The following DLEC1 variants were observed in gnomAD, a reference collection of about 807,000 sequenced individuals.
DLEC1 encodes DLEC1 cilia and flagella associated protein.
Under a neutral mutation model 198.1 loss-of-function variants are expected in DLEC1, and 146 were observed. The ratio of observed to expected loss-of-function variants is 0.74; its 90% CI spans 0.64 to 0.85. The LOEUF (loss-of-function observed/expected upper bound fraction) is 0.85, where lower values mean the gene tolerates loss of function less well. Ranked by LOEUF, DLEC1 falls within the 40% of genes least tolerant of loss-of-function variation. The pLI, the probability that DLEC1 is intolerant of heterozygous loss-of-function variation, is 0.00. For synonymous variants in DLEC1, 897 were observed against 866.8 expected (o/e 1.03, Z -0.61); for missense variants, 2,233 against 2,220.0 (o/e 1.01, Z -0.12).
rs909911353 is a variant in DLEC1 at position 38,062,770 on chromosome 3, G to A, written c.1063G>A (p.Gly355Arg). 6.2e-7 allele frequency: 1 copy of A among 1,613,992 alleles called. No individual in the cohort carries two copies. The highest frequency in any genetic ancestry group is 8.5e-7 in the Non-Finnish European group (1 of 1,179,952). Residue 355 changes from glycine to arginine, a missense_variant, in exon 5 of 37, where the codon GGA (glycine) becomes AGA (arginine). Coordinates refer to ENST00000308059, the MANE Select transcript of DLEC1 (RefSeq NM_007335.4). ...TCCTCCAAAGAAGCCAGCACCGATA[G>A]GAGAATTCCAGAGTACAGAGCCAGA... ...VFPPKKPAPI[G>R]EFQSTEPEQS...
intron 19 of DLEC1, among the ~76,000 whole-genome samples, chr3:38,101,730 A>T (rs769449955): frequency 6.6e-6 from 1 of 152,184 alleles, no homozygotes; most frequent in African/African-American, 2.4e-5. Context: ...ATACTTGACC[A>T]TCTGACAGTT....
chr3:38,108,256 A>G (rs1699672204), intron 20 of DLEC1, 149 bp from the exon 21 acceptor site: 3 of 649,716 alleles, frequency 4.6e-6, no homozygotes, highest in East Asian at 5.5e-5. Flanking sequence ...GTTTATCCCC[A>G]GAAGTGAGCA....
At chr3:38,067,235 T>C (rs1697074238) in intron 6 of DLEC1, among the ~76,000 whole-genome samples, 1 of 152,224 alleles carries the variant, frequency 6.6e-6, no homozygotes, top group Non-Finnish European at 1.5e-5. Context: ...ACAGTTCAAA[T>C]TTTCAGTCTT....
At chr3:38,096,080 T>G (rs568841208) in intron 14 of DLEC1, 134 bp downstream of exon 14, 1 of 1,051,814 alleles carries the variant, frequency 9.5e-7, no homozygotes, top group African/African-American at 1.6e-5. Context: ...GTGAGAGCAT[T>G]TTTTTTGCCT....
intron 2 of DLEC1, among the ~76,000 whole-genome samples, chr3:38,054,917 T>C (rs1436572792): frequency 6.6e-6 from 1 of 152,052 alleles, no homozygotes; most frequent in African/African-American, 2.4e-5. Context: ...TAAATTAAAC[T>C]AAGAATGCTT....
chr3:38,052,354 G>T lies in DLEC1; in HGVS notation c.562+6661G>T, dbSNP rs78364489. 1,086 of 333,242 alleles carry T rather than the reference G, an allele frequency of 3.3e-3. 20 individuals are homozygous for T. Among genetic ancestry groups the T allele is most frequent in the Non-Finnish European group, 5.6e-3 (909 of 163,320 alleles). 20.6% of individuals were successfully genotyped at this position (333,242 alleles called of 1,614,324 possible). A position where few individuals can be genotyped will look rare whatever the true frequency, so the allele number is the denominator to read the frequency against. On this transcript the variant is annotated intron_variant, in intron 2 of 36. Coordinates refer to ENST00000308059, the MANE Select transcript of DLEC1 (RefSeq NM_007335.4). ...CAAGCTCTGCTTTCTCTATGAGAATGACTGCATCTTTGATAGCTTTGAATG... is the reference window on the plus strand; with the variant it reads ...CAAGCTCTGCTTTCTCTATGAGAATTACTGCATCTTTGATAGCTTTGAATG...
At chr3:38,065,470 A>G (rs1014867000) in intron 6 of DLEC1, among the ~76,000 whole-genome samples, 2 of 152,214 alleles carry the variant, frequency 1.3e-5, no homozygotes, top group Admixed American at 6.5e-5. Context: ...GGAAAAGACT[A>G]TAACTACTCC....
chr3:38,096,874 C>A, intron 15 of DLEC1, 137 bp downstream of exon 15: 1 of 1,069,686 alleles, frequency 9.3e-7, no homozygotes, highest in South Asian at 1.6e-5. Flanking sequence ...GGGCTTTGAA[C>A]CCAACTTGAC....
intron 2 of DLEC1, among the ~76,000 whole-genome samples, chr3:38,054,687 C>G (rs1207775631): frequency 6.6e-6 from 1 of 152,158 alleles, no homozygotes; most frequent in African/African-American, 2.4e-5. Flanking sequence ...GAGAAGTGGC[C>G]CAGGTTAAAA....
rs77865810 is a variant in DLEC1, at chr3:38,097,069, C to T, written c.2341-113C>T. On this transcript the variant is annotated intron_variant, in intron 15 of 36. Coordinates refer to ENST00000308059, the MANE Select transcript of DLEC1 (RefSeq NM_007335.4). ...TGGCTTTGGGTGGCCAGGAATTAGCCGGGAAGTGTCATATGGACTCTTTAC... is the reference window on the plus strand; with the variant it reads ...TGGCTTTGGGTGGCCAGGAATTAGCTGGGAAGTGTCATATGGACTCTTTAC... 2,052 of 1,066,600 alleles carry T rather than the reference C, an allele frequency of 1.9e-3. 24 individuals carry two copies. In the African/African-American group the frequency reaches 0.029, roughly 15 times the overall value. 66.1% of individuals were successfully genotyped at this position (1,066,600 alleles called of 1,614,324 possible). A position where few individuals can be genotyped will look rare whatever the true frequency, so the allele number is the denominator to read the frequency against.
At chr3:38,106,466 C>A (rs1445808422) in intron 19 of DLEC1, among the ~76,000 whole-genome samples, 1 of 152,038 alleles carries the variant, frequency 6.6e-6, no homozygotes, top group Non-Finnish European at 1.5e-5. Flanking sequence ...CTTTTAAGAC[C>A]TTTTAGTGGC....
At chr3:38,080,603 T>C (rs995872049) in intron 6 of DLEC1, among the ~76,000 whole-genome samples, 6 of 152,218 alleles carry the variant, frequency 3.9e-5, no homozygotes, top group East Asian at 1.9e-4. Flanking sequence ...CGAGTTTGTA[T>C]TGGGGCCAAG....
In DLEC1 at chr3:38,097,787, T is replaced by G. The variant is rs1699107788; in HGVS notation, c.2609T>G (p.Leu870Arg). ...AACGTCTCAGCCCTTCAGTTTGGTCTGCTCCGCCTGGGGCAGAAAGCCACA... is the reference window on the plus strand; with the variant it reads ...AACGTCTCAGCCCTTCAGTTTGGTCGGCTCCGCCTGGGGCAGAAAGCCACA... ...IINVSALQFGLLRLGQKATNS... is the reference protein window; with the variant it reads ...IINVSALQFGRLRLGQKATNS... The change falls in exon 18 of 37, where the codon CTG (leucine) becomes CGG (arginine). Residue 870 changes from leucine (L) to arginine (R), a missense_variant. By Grantham distance (102) the Leu-to-Arg change is moderately radical. Transcript: ENST00000308059. 1.2e-6 allele frequency: 2 copies of G among 1,614,144 alleles called. No homozygotes were observed. Among genetic ancestry groups the G allele is most frequent in the Non-Finnish European group, 1.7e-6 (2 of 1,180,024 alleles).
chr3:38,097,099 C>A, intron 15 of DLEC1, 83 bp from the exon 16 acceptor site: 1 of 1,324,142 alleles, frequency 7.6e-7, no homozygotes, highest in Non-Finnish European at 1.0e-6. Flanking sequence ...CTTTACGAGC[C>A]CACAATCCTA....
chr3:38,058,749 A>G (rs77957680), intron 2 of DLEC1, among the ~76,000 whole-genome samples: 1 of 152,150 alleles, frequency 6.6e-6, no homozygotes, highest in East Asian at 1.9e-4. Context: ...GTGTCTATGT[A>G]GGTTCTTCAG....
At chr3:38,066,177 A>G (rs958587948) in intron 6 of DLEC1, among the ~76,000 whole-genome samples, 1 of 152,210 alleles carries the variant, frequency 6.6e-6, no homozygotes, top group Non-Finnish European at 1.5e-5. Flanking sequence ...ATTCTGATTC[A>G]TTCTCTATAA....
At chr3:38,072,194 G>A (rs1441707413) in intron 6 of DLEC1, among the ~76,000 whole-genome samples, 1 of 152,222 alleles carries the variant, frequency 6.6e-6, no homozygotes, top group African/African-American at 2.4e-5. Flanking sequence ...CAGGAACAAT[G>A]GTAACTGTGG....
chr3:38,117,377 C>A, intron 31 of DLEC1, 75 bp downstream of exon 31: 1 of 1,600,566 alleles, frequency 6.2e-7, no homozygotes, highest in Admixed American at 1.7e-5. Flanking sequence ...TGGAGCCAGG[C>A]AGGGTTCTCA....
chr3:38,080,802 C>CTTTT (rs76282097), intron 6 of DLEC1, among the ~76,000 whole-genome samples: 6 of 112,776 alleles, frequency 5.3e-5, no homozygotes, highest in African/African-American at 1.7e-4. Context: ...TTCGGGTGTT[C>CTTTT]TTTTTTTTTT....
Sources: gnomAD v4.1 joint callset for allele counts (sites outside exome capture counted in the v4.1 genomes callset) on GRCh38, gnomAD v4.1.1 for gene constraint, MANE v1.5 for transcripts, NCBI Gene and HGNC (gene_info 2026-07-23, HGNC 2026-07-21) for gene names.